The following SLC25A21 variants were observed in gnomAD, a reference collection of about 807,000 sequenced individuals.
SLC25A21 encodes the protein solute carrier family 25 member 21.
A neutral mutation model predicts 43.8 loss-of-function variants in SLC25A21; 47 were observed. That is an observed-to-expected ratio of 1.07 (90% CI 0.85 to 1.37). SLC25A21 has a LOEUF of 1.37. Among genes scored for constraint, SLC25A21 ranks in the 40% most tolerant of loss-of-function variants. SLC25A21 has a pLI of 0.00. For synonymous variants in SLC25A21, 131 were observed against 121.3 expected, an observed-to-expected ratio of 1.08 and a Z score of -0.52; for missense variants, 352 against 350.2, an observed-to-expected ratio of 1.00 and a Z score of -0.04.
chr14:36,690,869 T>C (rs1328796913), intron 7 of SLC25A21, among the ~76,000 whole-genome samples: 1 of 152,180 alleles, frequency 6.6e-6, no homozygotes, highest in East Asian at 1.9e-4. Context: ...GTCACCATAT[T>C]AGCTGAATGG....
chr14:37,117,049 C>T (rs1480304239), intron 1 of SLC25A21, among the ~76,000 whole-genome samples: 1 of 152,092 alleles, frequency 6.6e-6, no homozygotes, highest in Non-Finnish European at 1.5e-5. Flanking sequence ...TACGTGGTAG[C>T]ATTCTGTTTT....
chr14:36,854,023 C>A (rs1315676932), intron 2 of SLC25A21, among the ~76,000 whole-genome samples: 2 of 152,184 alleles, frequency 1.3e-5, no homozygotes, highest in Admixed American at 6.5e-5. Context: ...GACCTGTGTA[C>A]ATTTAAAGCA....
chr14:36,897,758 G>T (rs1480630676), intron 1 of SLC25A21, among the ~76,000 whole-genome samples: 1 of 152,180 alleles, frequency 6.6e-6, no homozygotes, highest in East Asian at 1.9e-4. Context: ...TAACAGTCAG[G>T]ACCCTCAGCT....
chr14:37,013,332 G>A (rs577430720), intron 1 of SLC25A21, among the ~76,000 whole-genome samples: 6 of 152,110 alleles, frequency 3.9e-5, no homozygotes, highest in African/African-American at 7.2e-5. Context: ...TTTATTAATA[G>A]AACAGGATAC....
At chr14:37,074,221 A>C (rs1386549830) in intron 1 of SLC25A21, among the ~76,000 whole-genome samples, 2 of 149,190 alleles carry the variant, frequency 1.3e-5, no homozygotes, top group African/African-American at 5.0e-5. Flanking sequence ...AAAAAAAAAA[A>C]CCTCTGTTTT....
chr14:37,092,811 C>T (rs554127579), intron 1 of SLC25A21, among the ~76,000 whole-genome samples: 97 of 151,820 alleles, frequency 6.4e-4, no homozygotes, highest in Admixed American at 9.8e-4. Flanking sequence ...AATAAATAGT[C>T]TTCATTGTTT....
chr14:37,028,384 C>T (rs543054081), intron 1 of SLC25A21, among the ~76,000 whole-genome samples: 36 of 152,144 alleles, frequency 2.4e-4, no homozygotes, highest in Non-Finnish European at 4.0e-4. Flanking sequence ...ATTCTTCTAT[C>T]ACCATCATTA....
At chr14:36,792,273 G>A (rs1373810286) in intron 3 of SLC25A21, among the ~76,000 whole-genome samples, 4 of 152,108 alleles carry the variant, frequency 2.6e-5, no homozygotes, top group African/African-American at 9.7e-5. Context: ...AAAAGAAAGT[G>A]TATTTGAGGT....
intron 1 of SLC25A21, among the ~76,000 whole-genome samples, chr14:37,101,402 C>T (rs1025562585): frequency 1.3e-5 from 2 of 152,134 alleles, no homozygotes; most frequent in African/African-American, 4.8e-5. Context: ...AGATATACCC[C>T]GAATCTTGGC....
intron 1 of SLC25A21, among the ~76,000 whole-genome samples, chr14:37,008,220 A>G (rs1044640338): frequency 5.3e-5 from 8 of 152,182 alleles, no homozygotes; most frequent in Admixed American, 2.0e-4. Flanking sequence ...CATGGTTGAA[A>G]GAGACTATCC....
chr14:36,877,812 T>A (rs186810488), intron 1 of SLC25A21, among the ~76,000 whole-genome samples: 1 of 152,122 alleles, frequency 6.6e-6, no homozygotes, highest in African/African-American at 2.4e-5. Context: ...TGGCAAGAGA[T>A]GAGGCTGGAA....
intron 1 of SLC25A21, among the ~76,000 whole-genome samples, chr14:36,955,286 T>C (rs1959305554): frequency 6.6e-6 from 1 of 152,168 alleles, no homozygotes; most frequent in Non-Finnish European, 1.5e-5. Context: ...CTAGGTATAA[T>C]GGCTGACATT....
chr14:36,879,714 T>C (rs932309044), intron 1 of SLC25A21, among the ~76,000 whole-genome samples: 4 of 152,004 alleles, frequency 2.6e-5, no homozygotes, highest in Admixed American at 6.6e-5. Context: ...AGACTTCATC[T>C]TTTCTGAGAA....
chr14:36,776,960 A>G (rs141292105), intron 3 of SLC25A21, among the ~76,000 whole-genome samples: 1 of 152,174 alleles, frequency 6.6e-6, no homozygotes, highest in East Asian at 1.9e-4. Flanking sequence ...CCCCTTTCTC[A>G]CATAAAACCT....
chr14:37,076,858 G>A (rs1962291970), intron 1 of SLC25A21, among the ~76,000 whole-genome samples: 1 of 152,162 alleles, frequency 6.6e-6, no homozygotes, highest in Non-Finnish European at 1.5e-5. Context: ...AGCATGGAGA[G>A]CATTATTTTC....
At chr14:36,960,257 A>T (rs1594720851) in intron 1 of SLC25A21, among the ~76,000 whole-genome samples, 2 of 152,110 alleles carry the variant, frequency 1.3e-5, no homozygotes, top group Admixed American at 1.3e-4. Flanking sequence ...TAGCTTGACC[A>T]CTAAAACACA....
chr14:37,018,780 A>G (rs1960918789), intron 1 of SLC25A21, among the ~76,000 whole-genome samples: 1 of 152,000 alleles, frequency 6.6e-6, no homozygotes, highest in Admixed American at 6.6e-5. Context: ...GAGGAAATCT[A>G]CACTTCTTGG....
chr14:36,689,049 C>T (rs1882678646), intron 7 of SLC25A21, among the ~76,000 whole-genome samples: 1 of 152,180 alleles, frequency 6.6e-6, no homozygotes, highest in South Asian at 2.1e-4. Flanking sequence ...CTGATAAAGA[C>T]ATACCTGAGA....
At chr14:36,683,944 T>A in intron 8 of SLC25A21, 64 bp from the exon 9 acceptor site, 2 of 1,257,560 alleles carry the variant, frequency 1.6e-6, no homozygotes, top group South Asian at 2.7e-5. Flanking sequence ...TACCTTAGCT[T>A]TATTGAGATA....
Sources: allele counts gnomAD v4.1 joint callset (sites outside exome capture counted in the v4.1 genomes callset), GRCh38; gene constraint gnomAD v4.1.1; transcripts MANE v1.5; gene names NCBI Gene and HGNC (gene_info 2026-07-23, HGNC 2026-07-21).